The following AUTS2 variants were observed in gnomAD, a reference collection of about 807,000 sequenced individuals.
AUTS2 encodes activator of transcription and developmental regulator AUTS2.
AUTS2 carries 17 observed loss-of-function variants against 112.4 expected under a neutral mutation model. That is an observed-to-expected ratio of 0.15 (90% CI 0.10 to 0.23). The LOEUF (loss-of-function observed/expected upper bound fraction) is 0.23. AUTS2 is among the 10% of genes least tolerant of loss of function. AUTS2 has a pLI of 1.00. For synonymous variants in AUTS2, 751 were observed against 702.7 expected (o/e 1.07, Z -1.09); for missense variants, 1,510 against 1,701.6 (o/e 0.89, Z 1.98).
intron 5 of AUTS2, among the ~76,000 whole-genome samples, chr7:70,551,332 C>T (rs2129519105): frequency 6.6e-6 from 1 of 152,090 alleles, no homozygotes; most frequent in South Asian, 2.1e-4. Flanking sequence ...GAGGGGAGTC[C>T]ATTGACAGTG....
chr7:70,327,164 C>T (rs765537942), intron 4 of AUTS2, among the ~76,000 whole-genome samples: 2 of 152,040 alleles, frequency 1.3e-5, no homozygotes, highest in African/African-American at 4.8e-5. Context: ...GTGATCTGCC[C>T]GCCTTGGCAT....
intron 4 of AUTS2, among the ~76,000 whole-genome samples, chr7:70,282,228 C>T (rs1788252812): frequency 6.6e-6 from 1 of 152,138 alleles, no homozygotes; most frequent in African/African-American, 2.4e-5. Context: ...ACTCTTCCAG[C>T]CTCTACCCAT....
At chr7:70,319,394 C>T (rs1015812915) in intron 4 of AUTS2, among the ~76,000 whole-genome samples, 3 of 152,150 alleles carry the variant, frequency 2.0e-5, no homozygotes, top group Non-Finnish European at 4.4e-5. Flanking sequence ...GGGTGCAGAA[C>T]AGAAATGTTC....
At chr7:70,780,485 C>T (rs1228853254) in intron 14 of AUTS2, among the ~76,000 whole-genome samples, 1 of 151,568 alleles carries the variant, frequency 6.6e-6, no homozygotes, top group Non-Finnish European at 1.5e-5. Flanking sequence ...AAGCAATTCT[C>T]GTGCCTCAGC....
intron 5 of AUTS2, among the ~76,000 whole-genome samples, chr7:70,633,138 A>G (rs982149979): frequency 5.9e-5 from 9 of 152,236 alleles, no homozygotes; most frequent in Non-Finnish European, 1.2e-4. Context: ...AACACACCCT[A>G]TATGAATGTG....
chr7:70,613,805 C>T (rs1280857288), intron 5 of AUTS2, among the ~76,000 whole-genome samples: 1 of 152,184 alleles, frequency 6.6e-6, no homozygotes, highest in African/African-American at 2.4e-5. Flanking sequence ...TGGAGTCTTC[C>T]AGACAGGGCG....
At chr7:70,643,430 G>A (rs895361389) in intron 5 of AUTS2, among the ~76,000 whole-genome samples, 2 of 152,178 alleles carry the variant, frequency 1.3e-5, no homozygotes, top group Non-Finnish European at 2.9e-5. Context: ...AATTAGCTGG[G>A]CATGGTGGTG....
At chr7:70,541,267 G>C (rs575975302) in intron 5 of AUTS2, among the ~76,000 whole-genome samples, 1 of 152,200 alleles carries the variant, frequency 6.6e-6, no homozygotes, top group African/African-American at 2.4e-5. Context: ...TCTGAGCTCT[G>C]AGGTACCCAG....
At chr7:69,885,464 T>G (rs1470628436) in intron 1 of AUTS2, among the ~76,000 whole-genome samples, 1 of 152,250 alleles carries the variant, frequency 6.6e-6, no homozygotes, top group Non-Finnish European at 1.5e-5. Context: ...GCATAGCCTT[T>G]CCCTAATTAC....
intron 4 of AUTS2, among the ~76,000 whole-genome samples, chr7:70,153,952 G>A (rs1299220125): frequency 6.6e-6 from 1 of 152,180 alleles, no homozygotes; most frequent in Non-Finnish European, 1.5e-5. Context: ...CTGATAAAAT[G>A]TAGGCCACCA....
At chr7:70,159,363 G>A (rs1807956394) in intron 4 of AUTS2, among the ~76,000 whole-genome samples, 1 of 152,100 alleles carries the variant, frequency 6.6e-6, no homozygotes, top group South Asian at 2.1e-4. Flanking sequence ...AAATACATGT[G>A]GTTAAACTTC....
intron 4 of AUTS2, among the ~76,000 whole-genome samples, chr7:70,346,785 G>C (rs1448085928): frequency 6.6e-6 from 1 of 152,062 alleles, no homozygotes; most frequent in African/African-American, 2.4e-5. Flanking sequence ...CCAACTCTGC[G>C]CCAGGCTCCA....
intron 1 of AUTS2, among the ~76,000 whole-genome samples, chr7:69,838,892 A>G (rs1791844495): frequency 6.6e-6 from 1 of 152,188 alleles, no homozygotes; most frequent in Non-Finnish European, 1.5e-5. Flanking sequence ...CAGTAGGGAT[A>G]TGATTTTAAA....
chr7:70,734,479 A>G (rs563180224), intron 6 of AUTS2, among the ~76,000 whole-genome samples: 2 of 151,982 alleles, frequency 1.3e-5, no homozygotes, highest in South Asian at 4.2e-4. Flanking sequence ...GATAAATATT[A>G]GTATGGGGAT....
chr7:69,768,674 C>T lies in AUTS2; in HGVS notation c.310-130612C>T, dbSNP rs570456929. Among the ~76,000 whole-genome samples the T allele has an allele frequency of 7.9e-5, 12 of 152,068 alleles. No individual in the cohort carries two copies. The South Asian group carries it at 8.3e-4, about 11-fold the overall frequency. ...AATGGAGGAAGTGAAGAATCCAAGT[C>T]GAATGATAGAAAAGGTTATGTGTCG... On this transcript the variant is annotated intron_variant, in intron 1 of 18. Transcript: ENST00000342771.
At chr7:70,733,627 C>A (rs1167663228) in intron 6 of AUTS2, among the ~76,000 whole-genome samples, 1 of 147,278 alleles carries the variant, frequency 6.8e-6, no homozygotes, top group Non-Finnish European at 1.5e-5. Context: ...CACTCTGTCA[C>A]CCAGGCTAGA....
At chr7:70,176,980 A>T (rs1221790126) in intron 4 of AUTS2, among the ~76,000 whole-genome samples, 1 of 152,228 alleles carries the variant, frequency 6.6e-6, no homozygotes. Flanking sequence ...TATATTAGCA[A>T]GTTACAGAAC....
intron 5 of AUTS2, among the ~76,000 whole-genome samples, chr7:70,481,634 T>C (rs771065761): frequency 8.5e-5 from 13 of 152,186 alleles, no homozygotes; most frequent in Non-Finnish European, 1.8e-4. Flanking sequence ...GCACTGTCAG[T>C]AGGTCGGCTT....
intron 5 of AUTS2, among the ~76,000 whole-genome samples, chr7:70,675,901 T>C (rs996947923): frequency 2.0e-5 from 3 of 152,138 alleles, no homozygotes; most frequent in African/African-American, 4.8e-5. Context: ...ACTTCTGCCA[T>C]TGAGCTGAAG....
Sources: allele counts gnomAD v4.1 joint callset (sites outside exome capture counted in the v4.1 genomes callset), GRCh38; gene constraint gnomAD v4.1.1; transcripts MANE v1.5; gene names NCBI Gene and HGNC (gene_info 2026-07-23, HGNC 2026-07-21).